MSI2: variants seen among roughly 807,000 people sequenced by gnomAD.
MSI2 encodes the protein RNA-binding protein Musashi homolog 2.
Under a neutral mutation model 45.6 loss-of-function variants are expected in MSI2, and 17 were observed. The ratio of observed to expected loss-of-function variants is 0.37; its 90% CI spans 0.26 to 0.56. The LOEUF (loss-of-function observed/expected upper bound fraction) is 0.56. Among genes scored for constraint, MSI2 ranks in the 20% least tolerant of loss-of-function variants. The pLI, the probability that MSI2 is intolerant of heterozygous loss-of-function variation, is 0.77. For synonymous variants in MSI2, 156 were observed against 158.2 expected (o/e 0.99, Z 0.11); for missense variants, 293 against 444.2 (o/e 0.66, Z 3.06).
chr17:57,301,913 A>G (rs752323151), intron 5 of MSI2, among the ~76,000 whole-genome samples: 1 of 152,202 alleles, frequency 6.6e-6, no homozygotes, highest in Non-Finnish European at 1.5e-5. Flanking sequence ...TAGAAACTGC[A>G]TTGCAAAGAT....
At chr17:57,569,380 G>A (rs1275297428) in intron 7 of MSI2, among the ~76,000 whole-genome samples, 3 of 152,218 alleles carry the variant, frequency 2.0e-5, no homozygotes, top group Admixed American at 6.5e-5. Flanking sequence ...CCAGCCTGGA[G>A]TTTTGCGGGC....
At chr17:57,661,513 T>G (rs1420056085) in intron 11 of MSI2, among the ~76,000 whole-genome samples, 1 of 152,032 alleles carries the variant, frequency 6.6e-6, no homozygotes, top group Non-Finnish European at 1.5e-5. Flanking sequence ...CAGAACCATC[T>G]AAAGAAGATA....
intron 11 of MSI2, among the ~76,000 whole-genome samples, chr17:57,664,700 C>T (rs964130877): frequency 6.6e-6 from 1 of 152,162 alleles, no homozygotes; most frequent in African/African-American, 2.4e-5. Context: ...CATCTGTCCT[C>T]AGACTTCCAT....
At chr17:57,625,896 G>A (rs1908750377) in intron 9 of MSI2, 1 of 152,290 alleles carries the variant, frequency 6.6e-6, no homozygotes, top group South Asian at 2.1e-4. Flanking sequence ...CCTGGTCAGG[G>A]GGCCACTGTT....
At chr17:57,440,413 C>CGTGTGTGTGTGT (rs71139995) in intron 6 of MSI2, among the ~76,000 whole-genome samples, 2,622 of 104,562 alleles carry the variant, frequency 0.025, 218 homozygotes, top group East Asian at 0.051. Context: ...GTTTGTTATC[C>CGTGTGTGTGTGT]GTGTGTGTGT....
chr17:57,674,979 C>T lies in MSI2; in HGVS notation c.798C>T (p.Asn266=), dbSNP rs1313895877. 6.2e-7 allele frequency: 1 copy of T among 1,613,228 alleles called. No homozygotes were observed. The highest frequency in any genetic ancestry group is 2.2e-5 in the East Asian group (1 of 44,878). Reference sequence around the variant, plus strand: ...CGCCCGCTTCCCCGGCAGGCTCCAACCCGGCGCGGCCCGGAGGCTTCCCGG... The same window carrying T: ...CGCCCGCTTCCCCGGCAGGCTCCAATCCGGCGCGGCCCGGAGGCTTCCCGG... ...AVAAARGSGS[N]PARPGGFPGA... is the part of the protein sequence containing the mutation. The change falls in exon 12 of 14, where the codon AAC becomes AAT. Residue 266 remains asparagine, a synonymous_variant. Coordinates refer to ENST00000284073, the MANE Select transcript of MSI2 (RefSeq NM_138962.4).
intron 6 of MSI2, among the ~76,000 whole-genome samples, chr17:57,482,309 T>G (rs1394391876): frequency 6.6e-6 from 1 of 152,220 alleles, no homozygotes; most frequent in African/African-American, 2.4e-5. Context: ...ACAGTTGCTT[T>G]GGCGTTCACG....
At chr17:57,550,865 T>A (rs1368417639) in intron 7 of MSI2, among the ~76,000 whole-genome samples, 1 of 152,060 alleles carries the variant, frequency 6.6e-6, no homozygotes, top group Non-Finnish European at 1.5e-5. Context: ...CATTCGAGAG[T>A]GTTCTGAATG....
At chr17:57,308,443 T>C (rs969038644) in intron 5 of MSI2, among the ~76,000 whole-genome samples, 3 of 152,236 alleles carry the variant, frequency 2.0e-5, no homozygotes, top group African/African-American at 2.4e-5. Flanking sequence ...AATTGCCCCA[T>C]GTTAATGCTG....
chr17:57,476,365 T>C (rs2085537697), intron 6 of MSI2, among the ~76,000 whole-genome samples: 1 of 152,212 alleles, frequency 6.6e-6, no homozygotes, highest in Non-Finnish European at 1.5e-5. Flanking sequence ...GTGAGCAGAA[T>C]GGGTCCCTCA....
At chr17:57,567,999 G>A (rs756754410) in intron 7 of MSI2, among the ~76,000 whole-genome samples, 4 of 152,182 alleles carry the variant, frequency 2.6e-5, no homozygotes, top group African/African-American at 4.8e-5. Flanking sequence ...GGGATTTGAT[G>A]ACATCCCATA....
intron 6 of MSI2, among the ~76,000 whole-genome samples, chr17:57,439,406 G>A (rs12947872): frequency 0.21 from 32,650 of 152,114 alleles, 3,911 homozygotes; most frequent in South Asian, 0.3. Context: ...TTCCTTGGCT[G>A]TTGGTAGAGA....
intron 10 of MSI2, among the ~76,000 whole-genome samples, chr17:57,650,203 C>T (rs970857017): frequency 6.6e-6 from 1 of 151,982 alleles, no homozygotes; most frequent in Non-Finnish European, 1.5e-5. Flanking sequence ...TCCCCTCCCC[C>T]ACTTCGTTCC....
intron 5 of MSI2, among the ~76,000 whole-genome samples, chr17:57,272,801 C>T (rs898117974): frequency 2.0e-5 from 3 of 152,146 alleles, no homozygotes; most frequent in African/African-American, 7.2e-5. Flanking sequence ...CTAAACAGTA[C>T]TGGGCGAGTG....
chr17:57,312,210 C>T (rs755960220), intron 5 of MSI2, among the ~76,000 whole-genome samples: 2 of 152,188 alleles, frequency 1.3e-5, no homozygotes, highest in African/African-American at 2.4e-5. Context: ...AGTTTCTTTT[C>T]GAGAGAACTA....
In MSI2 at chr17:57,682,015, C is replaced by T. The variant is rs527462869; in HGVS notation, c.*2498C>T. Reference sequence around the variant, plus strand: ...ATGTATAAAATGGCTATCTTGTAAGCGTGCTGTCCTGGTACTAGTGTAGCG... The same window carrying T: ...ATGTATAAAATGGCTATCTTGTAAGTGTGCTGTCCTGGTACTAGTGTAGCG... On this transcript the variant is annotated 3_prime_UTR_variant, in exon 14 of 14. Transcript: ENST00000284073. The T allele has an allele frequency of 1.3e-4, 27 of 209,416 alleles. No individual in the cohort carries two copies. In the East Asian group the frequency reaches 1.4e-3, roughly 11 times the overall value. 13.0% of individuals were successfully genotyped at this position (209,416 alleles called of 1,614,324 possible). A position where few individuals can be genotyped will look rare whatever the true frequency, so the allele number is the denominator to read the frequency against.
intron 11 of MSI2, among the ~76,000 whole-genome samples, chr17:57,671,804 C>G (rs1288513430): frequency 1.3e-5 from 2 of 152,252 alleles, no homozygotes; most frequent in Non-Finnish European, 2.9e-5. Flanking sequence ...GAGTGGCAGT[C>G]CCCATTCTCT....
At chr17:57,325,488 G>A (rs771525180) in intron 5 of MSI2, among the ~76,000 whole-genome samples, 2 of 152,210 alleles carry the variant, frequency 1.3e-5, no homozygotes, top group Non-Finnish European at 2.9e-5. Flanking sequence ...AGAAAGTGGA[G>A]TCTAAAAAAG....
intron 10 of MSI2, among the ~76,000 whole-genome samples, chr17:57,634,802 C>T (rs188110781): frequency 1.6e-4 from 24 of 152,336 alleles, no homozygotes; most frequent in African/African-American, 5.3e-4. Context: ...TCTCTACTCT[C>T]ATTCTACTCT....
Sources: gnomAD v4.1 joint callset for allele counts (sites outside exome capture counted in the v4.1 genomes callset) on GRCh38, gnomAD v4.1.1 for gene constraint, MANE v1.5 for transcripts, NCBI Gene and HGNC (gene_info 2026-07-23, HGNC 2026-07-21) for gene names.